The following GNPTG variants were observed in gnomAD, a reference collection of about 807,000 sequenced individuals.
The protein encoded by GNPTG is N-acetylglucosamine-1-phosphate transferase subunit gamma, also known as N-acetylglucosamine-1-phosphotransferase subunit gamma.
Under a neutral mutation model 43.8 loss-of-function variants are expected in GNPTG, and 46 were observed. That is an observed-to-expected ratio of 1.05 (90% CI 0.83 to 1.34). The LOEUF (loss-of-function observed/expected upper bound fraction) is 1.34, where lower values mean the gene tolerates loss of function less well. GNPTG is among the 40% of genes most tolerant of loss of function. GNPTG has a pLI of 0.00. For missense variants in GNPTG, 549 were observed against 411.3 expected (o/e 1.33, Z -2.90); for synonymous variants, 250 against 172.8 (o/e 1.45, Z -3.50).
At chr16:1,358,056 C>G (rs973286158) in intron 3 of GNPTG, 1 of 152,496 alleles carries the variant, frequency 6.6e-6, no homozygotes, top group African/African-American at 2.4e-5. Context: ...GGTCCCGACT[C>G]CCCAGCTTAA....
chr16:1,354,635 C>T (rs1053229758), intron 3 of GNPTG, among the ~76,000 whole-genome samples: 6 of 141,612 alleles, frequency 4.2e-5, no homozygotes, highest in African/African-American at 1.3e-4. Flanking sequence ...AAAAGAATAC[C>T]TCTTCTAGTT....
chr16:1,363,108 C>T lies in GNPTG; in HGVS notation c.*17C>T, dbSNP rs758226003. ...AGTTTGTGACCTTGTGGTGGGAGAG[C>T]AGAGGTGGACGCGGCCGAGAGCCCT... On this transcript the variant is annotated 3_prime_UTR_variant, in exon 11 of 11. Transcript: ENST00000204679. The T allele has an allele frequency of 6.2e-7, 1 of 1,610,840 alleles. No individual in the cohort carries two copies. The highest frequency in any genetic ancestry group is 2.2e-5 in the East Asian group (1 of 44,796).
rs1041937486 is a variant in GNPTG at position 1,359,622 on chromosome 16, G to T, written c.179-2121G>T. ...CTGTTTTGATCATAACAGCTTTGAAGTAATTTTTGGAATCAGTATGTACGA... is the reference window on the plus strand; with the variant it reads ...CTGTTTTGATCATAACAGCTTTGAATTAATTTTTGGAATCAGTATGTACGA... On this transcript the variant is annotated intron_variant, in intron 3 of 10. Coordinates refer to ENST00000204679, the MANE Select transcript of GNPTG (RefSeq NM_032520.5). Among the ~76,000 whole-genome samples the T allele has an allele frequency of 4.6e-5, 7 of 152,276 alleles. No individual in the cohort carries two copies. The South Asian group carries it at 1.2e-3, about 27-fold the overall frequency.
At position 1,352,315 on chromosome 16, in the gene GNPTG, G is replaced by A; in HGVS notation, c.178+9G>A. ...TCCTTCACCCGTGTCTGGTGAGTGA[G>A]GAGCGCTGTTGGCCGGCGCGGGGGT... On this transcript the variant is annotated intron_variant, in intron 3 of 10. Coordinates refer to ENST00000204679, the MANE Select transcript of GNPTG (RefSeq NM_032520.5). The A allele has an allele frequency of 6.5e-7, 1 of 1,548,262 alleles. No homozygotes were observed. Among genetic ancestry groups the A allele is most frequent in the African/African-American group, 1.4e-5 (1 of 73,110 alleles).
intron 3 of GNPTG, among the ~76,000 whole-genome samples, chr16:1,359,569 C>G (rs962189604): frequency 2.0e-5 from 3 of 152,118 alleles, no homozygotes; most frequent in African/African-American, 7.2e-5. Context: ...CGCCCGGCCT[C>G]TATGCCAGTC....
At chr16:1,352,609 T>C in intron 3 of GNPTG, 1 of 424,036 alleles carries the variant, frequency 2.4e-6, no homozygotes, top group Middle Eastern at 6.6e-4. Context: ...ACGTATAGTT[T>C]TTGTAATCTA....
At chr16:1,359,209 C>T (rs940357517) in intron 3 of GNPTG, among the ~76,000 whole-genome samples, 6 of 152,146 alleles carry the variant, frequency 3.9e-5, no homozygotes, top group Non-Finnish European at 7.3e-5. Flanking sequence ...CTCTTACATA[C>T]GTGGTTTGCC....
At chr16:1,361,293 C>T (rs1439129415) in intron 3 of GNPTG, 2 of 194,688 alleles carry the variant, frequency 1.0e-5, no homozygotes, top group Non-Finnish European at 2.2e-5. Context: ...TTGTCAGTTT[C>T]TTCCATTGAA....
In GNPTG at chr16:1,361,724, A is replaced by T. The variant is rs973297006; in HGVS notation, c.179-19A>T. 2 of 1,611,710 alleles carry T rather than the reference A, an allele frequency of 1.2e-6. No homozygotes were observed. The highest frequency in any genetic ancestry group is 2.7e-5 in the African/African-American group (2 of 74,824). ...GTTCTGTGCTTGGACCCTGGGGATC[A>T]GTGTGAGGTCTCTTCCAGGACCCGT... On this transcript the variant is annotated intron_variant, in intron 3 of 10. Transcript: ENST00000204679.
rs548171701 is a variant in GNPTG at position 1,359,351 on chromosome 16, C to T, written c.179-2392C>T. ...GCACGATCTTGGCTCACGGCAACCT[C>T]TCCACCTCCCAGGCTCAAGGAATTC... On this transcript the variant is annotated intron_variant, in intron 3 of 10. Coordinates refer to ENST00000204679, the MANE Select transcript of GNPTG (RefSeq NM_032520.5). Among the ~76,000 whole-genome samples, 6 of 152,238 alleles carry T rather than the reference C, an allele frequency of 3.9e-5. No individual in the cohort carries two copies. The South Asian group carries it at 1.2e-3, about 32-fold the overall frequency.
Position 1,362,296 on chromosome 16 carries a change from G to C in GNPTG, c.502G>C (p.Val168Leu), listed in dbSNP as rs190614894. ...VYALTFETPL[V>L]CHPHALLVYP... ...CGCGCTGACGTTCGAGACCCCCCTC[G>C]TCTGCCACCCCCACGCCTTGCTAGG... The change falls in exon 7 of 11, where the codon GTC becomes CTC. Residue 168 changes from valine to leucine, a missense_variant. Val to Leu is a conservative substitution (Grantham distance 32, BLOSUM62 1). Transcript: ENST00000204679. The C allele has an allele frequency of 6.2e-7, 1 of 1,613,236 alleles. No homozygotes were observed. Among genetic ancestry groups the C allele is most frequent in the Non-Finnish European group, 8.5e-7 (1 of 1,179,954 alleles).
chr16:1,363,337 T>A lies in GNPTG; in HGVS notation c.*246T>A, dbSNP rs1388418572. ...CTTTAAACAGTTCGCTACAAGTAAA[T>A]GATTATAAATACTACCTTCTGGGTT... On this transcript the variant is annotated 3_prime_UTR_variant, in exon 11 of 11. Coordinates refer to ENST00000204679, the MANE Select transcript of GNPTG (RefSeq NM_032520.5). The A allele has an allele frequency of 2.2e-5, 11 of 507,778 alleles. No individual in the cohort carries two copies. The highest frequency in any genetic ancestry group is 1.9e-4 in the African/African-American group (10 of 51,784). The allele number at this position is 507,778 out of a possible 1,614,324, so 31.5% of individuals were successfully genotyped here.
chr16:1,360,023 C>A (rs928640165), intron 3 of GNPTG, among the ~76,000 whole-genome samples: 1 of 151,948 alleles, frequency 6.6e-6, no homozygotes, highest in Non-Finnish European at 1.5e-5. Flanking sequence ...GCGGGAAAAT[C>A]GGTTGAACCC....
At chr16:1,352,188 A>C (rs1407933046) in intron 2 of GNPTG, 29 bp downstream of exon 2, 3 of 1,556,942 alleles carry the variant, frequency 1.9e-6, no homozygotes, top group Non-Finnish European at 2.6e-6. Context: ...TGGCGGCTCG[A>C]GCGGGGGACG....
rs886051686 is a variant in GNPTG at position 1,363,296 on chromosome 16, T to C, written c.*205T>C. 69 of 591,532 alleles carry C rather than the reference T, an allele frequency of 1.2e-4. No individual in the cohort carries two copies. Among genetic ancestry groups the C allele is most frequent in the Non-Finnish European group, 2.1e-5 (7 of 331,082 alleles). The allele number at this position is 591,532 out of a possible 1,614,324, so 36.6% of individuals were successfully genotyped here. A position where few individuals can be genotyped will look rare whatever the true frequency, so the allele number is the denominator to read the frequency against. ...GCATAAATGCTATAGTGTAAAAAAA[T>C]TTAAACAAGTGTTAACTTTAAACAG... On this transcript the variant is annotated 3_prime_UTR_variant, in exon 11 of 11. Coordinates refer to ENST00000204679, the MANE Select transcript of GNPTG (RefSeq NM_032520.5).
intron 3 of GNPTG, among the ~76,000 whole-genome samples, chr16:1,353,322 T>C (rs1377098680): frequency 6.6e-6 from 1 of 152,188 alleles, no homozygotes; most frequent in Non-Finnish European, 1.5e-5. Context: ...GGGTCTGTGC[T>C]GGGGTTGCAG....
chr16:1,356,882 GGGGTCTGCGGGCGGGAGTGTGCGGGCGA>G (rs1260300831), intron 3 of GNPTG, among the ~76,000 whole-genome samples: 2 of 4,530 alleles, frequency 4.4e-4, no homozygotes, highest in African/African-American at 9.2e-4. Context: ...TCTGCGGGCG[GGGGTCTGCGGGCGGGAGTGTGCGGGCGA>G]GAGTGTGCGG....
At position 1,352,139 on chromosome 16, in the gene GNPTG, G is replaced by A; in HGVS notation, c.90G>A (p.Val30=). The A allele has an allele frequency of 6.3e-7, 1 of 1,582,606 alleles. No homozygotes were observed. ...APAGAAKMKV[V]EEPNAFGVNN... is the part of the protein sequence containing the mutation. ...CAGGTGCAGCGAAGATGAAGGTGGT[G>A]GAGGAGCCCAACGCGTTTGGGTGAG... is the stretch of plus-strand genomic sequence containing the variant. The change falls in exon 2 of 11, where the codon GTG becomes GTA. Residue 30 remains valine, a synonymous_variant. Coordinates refer to ENST00000204679, the MANE Select transcript of GNPTG (RefSeq NM_032520.5).
intron 3 of GNPTG, among the ~76,000 whole-genome samples, chr16:1,353,547 G>C (rs1256333226): frequency 6.6e-6 from 1 of 152,020 alleles, no homozygotes; most frequent in Admixed American, 6.6e-5. Flanking sequence ...TTTTAGAGAC[G>C]GGGTCTTGCT....
Sources: allele counts gnomAD v4.1 joint callset (sites outside exome capture counted in the v4.1 genomes callset), GRCh38; gene constraint gnomAD v4.1.1; transcripts MANE v1.5; gene names NCBI Gene and HGNC (gene_info 2026-07-23, HGNC 2026-07-21).